The following CNGB3 variants were observed in gnomAD, a reference collection of about 807,000 sequenced individuals.
CNGB3 encodes cyclic nucleotide gated channel subunit beta 3, also known as cyclic nucleotide-gated channel beta-3.
A neutral mutation model predicts 92.8 loss-of-function variants in CNGB3; 86 were observed. That is an observed-to-expected ratio of 0.93 (90% CI 0.78 to 1.11). CNGB3 has a LOEUF of 1.11. CNGB3 is among the 50% of genes least tolerant of loss of function. The pLI is 0.00. For missense variants in CNGB3, 1,026 were observed against 956.8 expected, an observed-to-expected ratio of 1.07 and a Z score of -0.95; for synonymous variants, 333 against 332.7, an observed-to-expected ratio of 1.00 and a Z score of -0.01.
intron 10 of CNGB3, among the ~76,000 whole-genome samples, chr8:86,640,529 A>G (rs1003716042): frequency 6.6e-6 from 1 of 152,038 alleles, no homozygotes; most frequent in Non-Finnish European, 1.5e-5. Context: ...TAACTTTGAA[A>G]TGACCAGTCC....
chr8:86,688,611 C>T (rs1465376259), intron 3 of CNGB3, among the ~76,000 whole-genome samples: 1 of 151,866 alleles, frequency 6.6e-6, no homozygotes, highest in African/African-American at 2.4e-5. Context: ...GCATATAGTT[C>T]CTCACAGCAG....
intron 3 of CNGB3, among the ~76,000 whole-genome samples, chr8:86,694,403 A>ACC (rs1824401218): frequency 8.0e-6 from 1 of 124,916 alleles, no homozygotes; most frequent in South Asian, 2.6e-4. Flanking sequence ...GCGGGGGCTG[A>ACC]CCCCCACCTC....
rs189108183 is a variant in CNGB3 at position 86,591,072 on chromosome 8, T to G, written c.1782-11820A>C. ...TCTTTTTTCTCTAAACTTTCCTTCT[T>G]GCTTCATTTCATTCATTTCATCTTC... On this transcript the variant is annotated intron_variant, in intron 15 of 17. Coordinates refer to ENST00000320005, the MANE Select transcript of CNGB3 (RefSeq NM_019098.5). Among the ~76,000 whole-genome samples, 1,217 of 151,998 alleles carry G rather than the reference T, an allele frequency of 8.0e-3. 16 individuals are homozygous for G. Among genetic ancestry groups the G allele is most frequent in the African/African-American group, 0.028 (1,141 of 41,358 alleles).
At chr8:86,602,148 T>G (rs952846120) in intron 15 of CNGB3, among the ~76,000 whole-genome samples, 2 of 152,190 alleles carry the variant, frequency 1.3e-5, no homozygotes, top group African/African-American at 4.8e-5. Context: ...ACAGTGATTA[T>G]TAAGTCACAA....
At chr8:86,661,406 CA>C in intron 6 of CNGB3, 1 of 448,238 alleles carries the variant, frequency 2.2e-6, no homozygotes. Flanking sequence ...AGGAAGAGGA[CA>C]AAAAAATTCC....
intron 7 of CNGB3, 133 bp from the exon 8 acceptor site, chr8:86,648,020 A>G: frequency 4.2e-6 from 3 of 716,464 alleles, no homozygotes; most frequent in East Asian, 2.6e-5. Context: ...ACTGCTTTCA[A>G]TTAACTATGC....
intron 3 of CNGB3, among the ~76,000 whole-genome samples, chr8:86,673,862 T>C (rs2131621488): frequency 6.6e-6 from 1 of 152,348 alleles, no homozygotes; most frequent in East Asian, 1.9e-4. Flanking sequence ...GTCTGTGATA[T>C]TCAGGAGACA....
chr8:86,648,706 A>G (rs910918817), intron 7 of CNGB3, among the ~76,000 whole-genome samples: 5 of 151,176 alleles, frequency 3.3e-5, no homozygotes, highest in African/African-American at 1.2e-4. Context: ...AATAGGGTAT[A>G]TGAAAAACTT....
At chr8:86,671,751 CAG>C (rs1823865942) in intron 3 of CNGB3, among the ~76,000 whole-genome samples, 1 of 152,172 alleles carries the variant, frequency 6.6e-6, no homozygotes. Context: ...CACAAGAAAA[CAG>C]AGACTTCAGA....
At chr8:86,718,111 A>G (rs1242600908) in intron 3 of CNGB3, among the ~76,000 whole-genome samples, 1 of 152,164 alleles carries the variant, frequency 6.6e-6, no homozygotes, top group African/African-American at 2.4e-5. Context: ...GGACCTGGAG[A>G]AACAAGAAAA....
At chr8:86,700,351 C>T (rs370597235) in intron 3 of CNGB3, among the ~76,000 whole-genome samples, 6 of 152,158 alleles carry the variant, frequency 3.9e-5, no homozygotes, top group Admixed American at 6.5e-5. Flanking sequence ...TTCAATTAAA[C>T]GTATGGAAAT....
intron 6 of CNGB3, chr8:86,658,667 C>T (rs1823568297): frequency 2.8e-6 from 1 of 363,566 alleles, no homozygotes; most frequent in African/African-American, 2.1e-5. Flanking sequence ...CTACCATCTC[C>T]TTCAGCTCAC....
intron 3 of CNGB3, among the ~76,000 whole-genome samples, chr8:86,720,873 C>G (rs1369300897): frequency 1.5e-5 from 2 of 130,322 alleles, no homozygotes; most frequent in Non-Finnish European, 3.4e-5. Context: ...CACACACACA[C>G]ACACACACAC....
chr8:86,616,627 C>CT (rs774326788), intron 13 of CNGB3, among the ~76,000 whole-genome samples: 22 of 152,186 alleles, frequency 1.4e-4, no homozygotes, highest in Non-Finnish European at 3.1e-4. Context: ...GTAAATGTCT[C>CT]TTTTTTCTAT....
chr8:86,699,017 T>G (rs1183121441), intron 3 of CNGB3, among the ~76,000 whole-genome samples: 2 of 152,198 alleles, frequency 1.3e-5, no homozygotes, highest in Admixed American at 6.5e-5. Flanking sequence ...TATGTATTTA[T>G]TGTCCTAGGT....
At chr8:86,601,156 C>T (rs918345966) in intron 15 of CNGB3, among the ~76,000 whole-genome samples, 1 of 151,790 alleles carries the variant, frequency 6.6e-6, no homozygotes, top group African/African-American at 2.4e-5. Flanking sequence ...GAGATGAAAC[C>T]AATAGAAAAT....
chr8:86,725,693 A>T (rs1825049088), intron 3 of CNGB3, among the ~76,000 whole-genome samples: 2 of 152,184 alleles, frequency 1.3e-5, no homozygotes, highest in South Asian at 4.1e-4. Context: ...GACTTCTACT[A>T]ACAGCAGATG....
intron 15 of CNGB3, chr8:86,594,050 G>A (rs1325398756): frequency 2.8e-6 from 1 of 353,382 alleles, no homozygotes; most frequent in Non-Finnish European, 5.5e-6. Flanking sequence ...CCCACAGTAA[G>A]CTAATACATG....
Position 86,581,146 on chromosome 8 carries a change from C to G in CNGB3, c.1782-1894G>C, listed in dbSNP as rs117427707. On this transcript the variant is annotated intron_variant, in intron 15 of 17. Coordinates refer to ENST00000320005, the MANE Select transcript of CNGB3 (RefSeq NM_019098.5). ...AAAAGCTGCACAATTGAAAAATTAA[C>G]GACTTTTCTTAGATCCTTCAGAGAA... Among the ~76,000 whole-genome samples, 101 of 152,310 alleles carry G rather than the reference C, an allele frequency of 6.6e-4. No individual in the cohort carries two copies. In the East Asian group the frequency reaches 0.012, roughly 17 times the overall value.
Sources: allele counts gnomAD v4.1 joint callset (sites outside exome capture counted in the v4.1 genomes callset), GRCh38; gene constraint gnomAD v4.1.1; transcripts MANE v1.5; gene names NCBI Gene and HGNC (gene_info 2026-07-23, HGNC 2026-07-21).